SYT16: variants seen among roughly 807,000 people sequenced by gnomAD.
SYT16 encodes synaptotagmin 16.
In SYT16, 42 loss-of-function variants were observed where a neutral mutation model predicts 61.4. The ratio of observed to expected loss-of-function variants is 0.68; its 90% CI spans 0.53 to 0.89. SYT16 has a LOEUF of 0.89. Ranked by LOEUF, SYT16 falls within the 40% of genes least tolerant of loss-of-function variation. The pLI is 0.00. For synonymous variants in SYT16, 314 were observed against 302.3 expected, an observed-to-expected ratio of 1.04 and a Z score of -0.40; for missense variants, 804 against 807.3, an observed-to-expected ratio of 1.00 and a Z score of 0.05.
At chr14:61,912,495 C>T (rs2048972214) in intron 1 of SYT16, among the ~76,000 whole-genome samples, 1 of 152,162 alleles carries the variant, frequency 6.6e-6, no homozygotes, top group Non-Finnish European at 1.5e-5. Context: ...TTTATGTTTG[C>T]TGTCTAGCAA....
rs185750542 is a variant in SYT16 at position 62,073,219 on chromosome 14, C to G, written c.737-1916C>G. Reference sequence around the variant, plus strand: ...GCTTAATGTAGCTTTTGAAAATTCTCTTATTACTGATCTTGGTATTATCAC... The same window carrying G: ...GCTTAATGTAGCTTTTGAAAATTCTGTTATTACTGATCTTGGTATTATCAC... On this transcript the variant is annotated intron_variant, in intron 4 of 7. Coordinates refer to ENST00000683842, the MANE Select transcript of SYT16 (RefSeq NM_001367656.1). Among the ~76,000 whole-genome samples the G allele has an allele frequency of 2.2e-3, 340 of 152,256 alleles. 1 individual carries two copies. The highest frequency in any genetic ancestry group is 7.6e-3 in the African/African-American group (317 of 41,540).
At chr14:62,048,262 A>T (rs6573412) in intron 3 of SYT16, among the ~76,000 whole-genome samples, 2 of 151,946 alleles carry the variant, frequency 1.3e-5, no homozygotes, top group African/African-American at 4.8e-5. Context: ...GTTTATTTGC[A>T]TGGAGGTGTT....
At chr14:62,050,977 A>G (rs1298577980) in intron 3 of SYT16, among the ~76,000 whole-genome samples, 1 of 152,138 alleles carries the variant, frequency 6.6e-6, no homozygotes, top group East Asian at 1.9e-4. Context: ...GTGCTGGGAG[A>G]ACCACTACTC....
chr14:62,081,366 C>T, intron 6 of SYT16, 92 bp downstream of exon 6: 3 of 1,347,550 alleles, frequency 2.2e-6, no homozygotes, highest in Non-Finnish European at 2.0e-6. Flanking sequence ...TCTGTGAATT[C>T]AGAGACTTTA....
chr14:61,916,345 T>C (rs2049120723), intron 1 of SYT16, among the ~76,000 whole-genome samples: 1 of 152,190 alleles, frequency 6.6e-6, no homozygotes, highest in Non-Finnish European at 1.5e-5. Flanking sequence ...AAATTTCCAT[T>C]TCACAAATGC....
chr14:61,935,375 T>G (rs1322116458), intron 1 of SYT16, among the ~76,000 whole-genome samples: 10 of 152,214 alleles, frequency 6.6e-5, no homozygotes, highest in African/African-American at 2.4e-4. Context: ...TCTGGTGGTC[T>G]TTGCATATTT....
Position 61,906,628 on chromosome 14 carries a change from C to T in SYT16, c.-324-63504C>T, listed in dbSNP as rs139858739. Among the ~76,000 whole-genome samples, 444 of 152,250 alleles carry T rather than the reference C, an allele frequency of 2.9e-3. 3 individuals carry two copies. Among genetic ancestry groups the T allele is most frequent in the Admixed American group, 8.2e-3 (126 of 15,294 alleles). On this transcript the variant is annotated intron_variant, in intron 1 of 7. Coordinates refer to ENST00000683842, the MANE Select transcript of SYT16 (RefSeq NM_001367656.1). ...CTAGAGTATGCAGTTTTAGTTTCTTCTTGCTCCTAGCTGTGATGTGAAAAT... is the reference window on the plus strand; with the variant it reads ...CTAGAGTATGCAGTTTTAGTTTCTTTTTGCTCCTAGCTGTGATGTGAAAAT...
At chr14:62,095,959 G>C (rs1017739905) in intron 7 of SYT16, among the ~76,000 whole-genome samples, 1 of 151,882 alleles carries the variant, frequency 6.6e-6, no homozygotes, top group Non-Finnish European at 1.5e-5. Flanking sequence ...ACTGAAGCTT[G>C]GAAACTTGAT....
At chr14:61,998,354 C>T (rs1332934712) in intron 3 of SYT16, among the ~76,000 whole-genome samples, 1 of 151,890 alleles carries the variant, frequency 6.6e-6, no homozygotes, top group African/African-American at 2.4e-5. Context: ...TTAGTCAGTC[C>T]TTTCCCTATT....
At chr14:61,986,712 G>A (rs1249730452) in intron 2 of SYT16, among the ~76,000 whole-genome samples, 1 of 151,884 alleles carries the variant, frequency 6.6e-6, no homozygotes, top group Admixed American at 6.6e-5. Flanking sequence ...AGTTATTGAG[G>A]CCCTAATTGA....
intron 2 of SYT16, among the ~76,000 whole-genome samples, chr14:61,985,169 C>T (rs1031848922): frequency 6.6e-6 from 1 of 152,104 alleles, no homozygotes; most frequent in Admixed American, 6.6e-5. Flanking sequence ...TTGATAACCA[C>T]TAATGAAGAA....
At chr14:61,827,483 A>T (rs528537334) in intron 1 of SYT16, among the ~76,000 whole-genome samples, 29 of 152,230 alleles carry the variant, frequency 1.9e-4, no homozygotes, top group African/African-American at 5.1e-4. Flanking sequence ...CCTTAAAAAA[A>T]TACTTTTCTC....
chr14:61,900,227 C>T (rs916780673), intron 1 of SYT16, among the ~76,000 whole-genome samples: 12 of 149,898 alleles, frequency 8.0e-5, no homozygotes, highest in African/African-American at 1.7e-4. Flanking sequence ...GGCGCAATCT[C>T]GGCTCACTGC....
At chr14:61,995,802 C>G (rs562051325) in intron 2 of SYT16, 74 bp from the exon 3 acceptor site, 1 of 412,228 alleles carries the variant, frequency 2.4e-6, no homozygotes, top group East Asian at 3.5e-5. Context: ...TGTTTGACAT[C>G]GTCTGTAGGT....
At chr14:61,983,913 A>G (rs182032372) in intron 2 of SYT16, among the ~76,000 whole-genome samples, 9 of 152,322 alleles carry the variant, frequency 5.9e-5, no homozygotes, top group African/African-American at 1.9e-4. Context: ...TTGACTACAG[A>G]GTGGTAATTT....
At chr14:61,813,553 C>G (rs1252459399) in intron 1 of SYT16, among the ~76,000 whole-genome samples, 1 of 152,206 alleles carries the variant, frequency 6.6e-6, no homozygotes, top group Non-Finnish European at 1.5e-5. Flanking sequence ...CACCTGCGTA[C>G]CTAGCATCCA....
intron 3 of SYT16, among the ~76,000 whole-genome samples, chr14:62,031,466 G>A (rs1043172835): frequency 6.6e-6 from 1 of 152,158 alleles, no homozygotes; most frequent in Non-Finnish European, 1.5e-5. Context: ...TATGTGAACA[G>A]GTAGTTGAAC....
intron 3 of SYT16, among the ~76,000 whole-genome samples, chr14:62,011,634 C>T (rs1407386481): frequency 6.6e-6 from 1 of 151,866 alleles, no homozygotes; most frequent in Non-Finnish European, 1.5e-5. Context: ...AATGAAGATT[C>T]CAGAAGTGGA....
At chr14:61,958,705 T>C (rs754727737) in intron 1 of SYT16, among the ~76,000 whole-genome samples, 2 of 152,076 alleles carry the variant, frequency 1.3e-5, no homozygotes, top group Admixed American at 6.6e-5. Flanking sequence ...CTGTGTGTAA[T>C]TGAGAAGAAT....
Sources: gnomAD v4.1 joint callset for allele counts (sites outside exome capture counted in the v4.1 genomes callset) on GRCh38, gnomAD v4.1.1 for gene constraint, MANE v1.5 for transcripts, NCBI Gene and HGNC (gene_info 2026-07-23, HGNC 2026-07-21) for gene names.